Variants in ZNF559 observed in about 807,000 individuals in gnomAD.
The protein encoded by ZNF559 is zinc finger protein 559.
Under a neutral mutation model 14.2 loss-of-function variants are expected in ZNF559, and 17 were observed. That is an observed-to-expected ratio of 1.20 (90% CI 0.82 to 1.80). The LOEUF is 1.80. Among genes scored for constraint, ZNF559 ranks in the 40% most tolerant of loss-of-function variants. The pLI, the probability that ZNF559 is intolerant of heterozygous loss-of-function variation, is 0.00. For synonymous variants in ZNF559, 244 were observed against 212.4 expected, an observed-to-expected ratio of 1.15 and a Z score of -1.29; for missense variants, 740 against 629.7, an observed-to-expected ratio of 1.18 and a Z score of -1.88.
chr19:9,328,321 A>C (rs905221045), intron 2 of ZNF559, among the ~76,000 whole-genome samples: 2 of 135,426 alleles, frequency 1.5e-5, no homozygotes, highest in Admixed American at 1.4e-4. Context: ...TATGTTATGA[A>C]TTTGACATAC....
chr19:9,334,640 C>G (rs191782098), intron 2 of ZNF559, among the ~76,000 whole-genome samples: 1 of 152,102 alleles, frequency 6.6e-6, no homozygotes, highest in Non-Finnish European at 1.5e-5. Flanking sequence ...ATTAATGATG[C>G]ATTATACCTT....
chr19:9,341,546 C>T, intron 6 of ZNF559, 149 bp from the exon 7 acceptor site: 1 of 1,400,274 alleles, frequency 7.1e-7, no homozygotes, highest in Non-Finnish European at 9.7e-7. Context: ...CAGGTCTGAA[C>T]CATGCCTTGC....
chr19:9,331,460 C>T (rs983508418), intron 2 of ZNF559, among the ~76,000 whole-genome samples: 1 of 152,136 alleles, frequency 6.6e-6, no homozygotes, highest in African/African-American at 2.4e-5. Flanking sequence ...GAAAAAGATA[C>T]TCCATGCAAA....
chr19:9,341,129 G>A lies in ZNF559; in HGVS notation c.188G>A (p.Trp63Ter). Residue 63 changes from tryptophan (W) to a stop codon, truncating the protein, a stop_gained, in exon 6 of 7, where the codon TGG becomes TAG. Coordinates refer to ENST00000603380, the MANE Select transcript of ZNF559 (RefSeq NM_032497.3). LOFTEE classifies it high-confidence loss of function. ...TGGGAGAGTCATATTAATACCAAAT[G>A]GTCAGCACCTCAGCAGAATTTTTTG... Reference protein sequence around the residue: ...VDWESHINTKWSAPQQNFLQG... With the variant: ...VDWESHINTK 6.2e-7 allele frequency: 1 copy of A among 1,613,258 alleles called. No individual in the cohort carries two copies. Among genetic ancestry groups the A allele is most frequent in the South Asian group, 1.1e-5 (1 of 90,822 alleles).
rs776009575 is a variant in ZNF559, at chr19:9,342,213, A to T, written c.762A>T (p.Ser254=). 6 of 1,595,096 alleles carry T rather than the reference A, an allele frequency of 3.8e-6. No homozygotes were observed. The highest frequency in any genetic ancestry group is 4.3e-6 in the Non-Finnish European group (5 of 1,173,914). Residue 254 remains serine (S), a synonymous_variant, in exon 7 of 7, where the codon TCA becomes TCT. Coordinates refer to ENST00000603380, the MANE Select transcript of ZNF559 (RefSeq NM_032497.3). The part of the protein sequence containing the change: ...KACGKPFTES[S]YLTQHLRTHS... Reference sequence around the variant, plus strand: ...GTGGGAAACCCTTCACTGAGTCGTCATATCTTACTCAACATTTAAGAACTC... The same window carrying T: ...GTGGGAAACCCTTCACTGAGTCGTCTTATCTTACTCAACATTTAAGAACTC...
In ZNF559 at chr19:9,342,963, GT is replaced by G; in HGVS notation, c.1513del (p.Ser505ProfsTer8). 6.2e-7 allele frequency: 1 copy of G among 1,614,174 alleles called. No individual in the cohort carries two copies. Among genetic ancestry groups the G allele is most frequent in the Non-Finnish European group, 8.5e-7 (1 of 1,180,042 alleles). ...AGGAATGTGGGAAAGCCTTTACTCG[GT>G]CCACATATCTTATTCGACATCTAAG... Reference protein sequence around the residue: ...CQECGKAFTRSTYLIRHLRSH... With the variant: ...CQECGKAFTRXTYLIRHLRSH... On this transcript the variant is annotated frameshift_variant, in exon 7 of 7. Transcript: ENST00000603380. LOFTEE classifies it low-confidence loss of function (END_TRUNC).
In ZNF559 at chr19:9,343,695, A is replaced by T. The variant is rs2067670876; in HGVS notation, c.*627A>T. ...TCGTTAGGAAACATCCACACTGAAG[A>T]GGAACCTGACTGTATGGAAGGTCAA... On this transcript the variant is annotated 3_prime_UTR_variant, in exon 7 of 7. Coordinates refer to ENST00000603380, the MANE Select transcript of ZNF559 (RefSeq NM_032497.3). 1 of 987,450 alleles carries T rather than the reference A, an allele frequency of 1.0e-6. No homozygotes were observed. Among genetic ancestry groups the T allele is most frequent in the African/African-American group, 1.7e-5 (1 of 57,376 alleles). 61.2% of individuals were successfully genotyped at this position (987,450 alleles called of 1,614,324 possible). A position where few individuals can be genotyped will look rare whatever the true frequency, so the allele number is the denominator to read the frequency against.
At chr19:9,326,909 CAATTT>C (rs1461207506) in intron 2 of ZNF559, among the ~76,000 whole-genome samples, 1 of 152,130 alleles carries the variant, frequency 6.6e-6, no homozygotes. Flanking sequence ...TTTTCAATAA[CAATTT>C]TATTTTTAAA....
rs2067657407 is a variant in ZNF559, at chr19:9,343,182, T to G, written c.*114T>G. 1.3e-6 allele frequency: 2 copies of G among 1,499,308 alleles called. No homozygotes were observed. Among genetic ancestry groups the G allele is most frequent in the East Asian group, 2.3e-5 (1 of 43,882 alleles). The allele number at this position is 1,499,308 out of a possible 1,614,324, so 92.9% of individuals were successfully genotyped here. ...CAGTCATAAGGAATGTGGGAAGCCT[T>G]CCTTGGTGTCTCAGATCTTAACAAT... On this transcript the variant is annotated 3_prime_UTR_variant, in exon 7 of 7. Transcript: ENST00000603380.
At chr19:9,338,628 A>G (rs932869213) in intron 4 of ZNF559, 46 bp downstream of exon 4, 1 of 1,431,632 alleles carries the variant, frequency 7.0e-7, no homozygotes, top group African/African-American at 1.4e-5. Context: ...GCTTCTTCCT[A>G]CCATGTAGAT....
chr19:9,331,535 A>G (rs903492946), intron 2 of ZNF559, among the ~76,000 whole-genome samples: 10 of 152,208 alleles, frequency 6.6e-5, no homozygotes, highest in African/African-American at 2.4e-4. Context: ...TAAGACAAAA[A>G]TTGTGACAAG....
At chr19:9,335,888 G>C (rs551736026) in intron 2 of ZNF559, among the ~76,000 whole-genome samples, 2 of 152,170 alleles carry the variant, frequency 1.3e-5, no homozygotes, top group Non-Finnish European at 2.9e-5. Flanking sequence ...TCAGATAAAC[G>C]TAATAGTTAA....
chr19:9,325,991 C>G (rs1033218249), intron 2 of ZNF559, among the ~76,000 whole-genome samples: 3 of 152,028 alleles, frequency 2.0e-5, no homozygotes, highest in African/African-American at 7.2e-5. Flanking sequence ...ACCCCCAAAT[C>G]AAATCAGATT....
intron 3 of ZNF559, 123 bp downstream of exon 3, chr19:9,337,981 A>T: frequency 5.2e-6 from 8 of 1,536,050 alleles, no homozygotes; most frequent in Non-Finnish European, 7.0e-6. Context: ...TCACTGTTAG[A>T]CTCACAGGAT....
intron 6 of ZNF559, 181 bp from the exon 7 acceptor site, chr19:9,341,514 C>G (rs1230106396): frequency 3.5e-6 from 4 of 1,137,240 alleles, no homozygotes; most frequent in Admixed American, 4.2e-5. Flanking sequence ...CCTGCAGTCA[C>G]TTTGTTCCAC....
chr19:9,324,644 G>GAAAA (rs56005842), intron 1 of ZNF559, 51 bp from the exon 2 acceptor site: 3 of 1,052,662 alleles, frequency 2.8e-6, no homozygotes, highest in Non-Finnish European at 3.9e-6. Context: ...ATCTCTAATG[G>GAAAA]AAAAAAAAAA....
At chr19:9,338,304 G>A (rs1351798494) in intron 3 of ZNF559, among the ~76,000 whole-genome samples, 190 bp from the exon 4 acceptor site, 1 of 152,076 alleles carries the variant, frequency 6.6e-6, no homozygotes, top group Non-Finnish European at 1.5e-5. Context: ...AAATGGGATT[G>A]TTAAACTCTC....
chr19:9,342,168 A>AT lies in ZNF559; in HGVS notation c.719dup (p.Tyr241LeufsTer2). 6.2e-7 allele frequency: 1 copy of AT among 1,610,116 alleles called. No homozygotes were observed. ...ACATGCAAACTCAAGATGGAGAAAA[A>AT]TTCTATGAATGTAAAGCATGTGGGA... On this transcript the variant is annotated frameshift_variant, in exon 7 of 7. Transcript: ENST00000603380. LOFTEE classifies it low-confidence loss of function (END_TRUNC).
Position 9,324,222 on chromosome 19 carries a change from G to T in ZNF559, c.-212G>T, listed in dbSNP as rs1392799683. The T allele has an allele frequency of 1.3e-6, 2 of 1,536,112 alleles. No individual in the cohort carries two copies. The highest frequency in any genetic ancestry group is 3.9e-5 in the Admixed American group (2 of 51,008). On this transcript the variant is annotated 5_prime_UTR_variant, in exon 1 of 7. Transcript: ENST00000603380. ...ATCTTAACAGCGCGTTCCCGTTGGC[G>T]TCTGAGGTAAGTTTTTGTTTCTGGG...
Sources: allele counts gnomAD v4.1 joint callset (sites outside exome capture counted in the v4.1 genomes callset), GRCh38; gene constraint gnomAD v4.1.1; transcripts MANE v1.5; gene names NCBI Gene and HGNC (gene_info 2026-07-23, HGNC 2026-07-21).